Variants in RNGTT observed in about 807,000 individuals in gnomAD.
The protein encoded by RNGTT is RNA guanylyltransferase and 5'-phosphatase.
Under a neutral mutation model 79.3 loss-of-function variants are expected in RNGTT, and 33 were observed. That is an observed-to-expected ratio of 0.42 (90% CI 0.32 to 0.56). The LOEUF (loss-of-function observed/expected upper bound fraction) is 0.56, where lower values mean the gene tolerates loss of function less well. RNGTT is among the 20% of genes least tolerant of loss of function. The pLI is 0.17. For missense variants in RNGTT, 497 were observed against 739.1 expected, an observed-to-expected ratio of 0.67 and a Z score of 3.80; for synonymous variants, 222 against 235.9, an observed-to-expected ratio of 0.94 and a Z score of 0.54.
intron 6 of RNGTT, among the ~76,000 whole-genome samples, chr6:88,894,835 G>A (rs1416867777): frequency 6.6e-6 from 1 of 151,918 alleles, no homozygotes; most frequent in East Asian, 1.9e-4. Flanking sequence ...GGGAGGCTGA[G>A]TCAGGAGGAC....
At chr6:88,937,071 G>A (rs576142152) in intron 2 of RNGTT, among the ~76,000 whole-genome samples, 16 of 152,026 alleles carry the variant, frequency 1.1e-4, no homozygotes, top group East Asian at 5.8e-4. Flanking sequence ...GGCCAGGCAC[G>A]GTGGCTCACG....
chr6:88,665,380 G>A (rs1285888104), intron 14 of RNGTT, among the ~76,000 whole-genome samples: 4 of 152,142 alleles, frequency 2.6e-5, no homozygotes, highest in Admixed American at 1.3e-4. Context: ...AAGCACCTGA[G>A]GACTTTTGGA....
At chr6:88,720,454 C>A (rs956399310) in intron 13 of RNGTT, among the ~76,000 whole-genome samples, 1 of 152,026 alleles carries the variant, frequency 6.6e-6, no homozygotes, top group African/African-American at 2.4e-5. Context: ...ACAAGTTATA[C>A]CACCTCTCTG....
At chr6:88,731,009 G>C (rs1777095536) in intron 13 of RNGTT, among the ~76,000 whole-genome samples, 2 of 152,046 alleles carry the variant, frequency 1.3e-5, no homozygotes. Context: ...TTTGTCATAG[G>C]ATTGTAGAAC....
At chr6:88,618,411 GGA>G (rs1485150172) in intron 14 of RNGTT, among the ~76,000 whole-genome samples, 2 of 152,072 alleles carry the variant, frequency 1.3e-5, no homozygotes, top group East Asian at 3.8e-4. Context: ...CCGGTATAAG[GGA>G]GAGGAGTTTA....
intron 13 of RNGTT, among the ~76,000 whole-genome samples, chr6:88,748,068 T>C (rs1417799866): frequency 3.9e-5 from 6 of 152,132 alleles, no homozygotes; most frequent in African/African-American, 1.4e-4. Flanking sequence ...TTTCTCACCA[T>C]TACTAATGTT....
At chr6:88,688,470 T>C (rs1200332526) in intron 13 of RNGTT, among the ~76,000 whole-genome samples, 1 of 152,194 alleles carries the variant, frequency 6.6e-6, no homozygotes, top group Non-Finnish European at 1.5e-5. Context: ...TAGGATTAGA[T>C]TTTTATTTCT....
intron 4 of RNGTT, among the ~76,000 whole-genome samples, chr6:88,920,730 T>C (rs116121719): frequency 0.015 from 2,236 of 152,338 alleles, 52 homozygotes; most frequent in African/African-American, 0.049. Flanking sequence ...TTAGATGTCA[T>C]GATTTTAGAA....
chr6:88,806,318 C>CTTT (rs896456612), intron 11 of RNGTT, among the ~76,000 whole-genome samples: 5 of 135,610 alleles, frequency 3.7e-5, no homozygotes, highest in African/African-American at 1.4e-4. Flanking sequence ...AAGGAACACG[C>CTTT]TTTTTTTTTT....
chr6:88,908,276 G>A (rs1298583078), intron 4 of RNGTT, among the ~76,000 whole-genome samples: 1 of 152,138 alleles, frequency 6.6e-6, no homozygotes, highest in Non-Finnish European at 1.5e-5. Flanking sequence ...GCAAGGGTTT[G>A]CTCTTTGAAA....
At chr6:88,648,219 T>A (rs1418215727) in intron 14 of RNGTT, among the ~76,000 whole-genome samples, 1 of 152,142 alleles carries the variant, frequency 6.6e-6, no homozygotes, top group Non-Finnish European at 1.5e-5. Flanking sequence ...ACCCTTCTGT[T>A]ATCATCCATG....
At chr6:88,765,191 CAAAAA>C (rs11286162) in intron 13 of RNGTT, among the ~76,000 whole-genome samples, 1 of 84,378 alleles carries the variant, frequency 1.2e-5, no homozygotes. Context: ...GACTCCATCT[CAAAAA>C]AAAAAAAAAA....
intron 13 of RNGTT, among the ~76,000 whole-genome samples, chr6:88,684,727 T>TA (rs1321060472): frequency 6.6e-6 from 1 of 152,200 alleles, no homozygotes; most frequent in Non-Finnish European, 1.5e-5. Flanking sequence ...TATGTCATTA[T>TA]ACATTTGTCA....
At chr6:88,720,445 C>T (rs543810889) in intron 13 of RNGTT, among the ~76,000 whole-genome samples, 306 of 152,102 alleles carry the variant, frequency 2.0e-3, no homozygotes, top group Admixed American at 3.3e-3. Context: ...ATTTTTCATA[C>T]AAGTTATACC....
intron 6 of RNGTT, among the ~76,000 whole-genome samples, chr6:88,902,812 C>T (rs562009204): frequency 6.7e-6 from 1 of 150,168 alleles, no homozygotes; most frequent in Non-Finnish European, 1.5e-5. Flanking sequence ...TCTCCTGCCT[C>T]GGCCTCCCGA....
At chr6:88,895,543 C>T (rs765298872) in intron 6 of RNGTT, among the ~76,000 whole-genome samples, 4 of 151,914 alleles carry the variant, frequency 2.6e-5, no homozygotes, top group Non-Finnish European at 4.4e-5. Flanking sequence ...TACAAGGAGT[C>T]CATTACTTGA....
chr6:88,805,984 G>A (rs1224524421), intron 11 of RNGTT, among the ~76,000 whole-genome samples: 2 of 152,056 alleles, frequency 1.3e-5, no homozygotes, highest in Non-Finnish European at 1.5e-5. Flanking sequence ...GCAACACATA[G>A]AACAGGCTGA....
chr6:88,826,854 G>GTGTGTATA (rs552025961), intron 11 of RNGTT, among the ~76,000 whole-genome samples: 5 of 138,342 alleles, frequency 3.6e-5, no homozygotes, highest in African/African-American at 1.4e-4. Context: ...ATGTGTGTGT[G>GTGTGTATA]TATATATATA....
intron 14 of RNGTT, among the ~76,000 whole-genome samples, chr6:88,629,133 G>C (rs867882460): frequency 2.4e-4 from 36 of 152,228 alleles, no homozygotes; most frequent in Middle Eastern, 3.4e-3. Context: ...AAGTGGGTAG[G>C]GAAAAGGTGT....
Sources: allele counts gnomAD v4.1 joint callset (sites outside exome capture counted in the v4.1 genomes callset), GRCh38; gene constraint gnomAD v4.1.1; transcripts MANE v1.5; gene names NCBI Gene and HGNC (gene_info 2026-07-23, HGNC 2026-07-21).